CNTNAP5: variants seen among roughly 807,000 people sequenced by gnomAD.
CNTNAP5 encodes the protein contactin associated protein family member 5, also known as contactin-associated protein-like 5.
Under a neutral mutation model 150.2 loss-of-function variants are expected in CNTNAP5, and 72 were observed. The ratio of observed to expected loss-of-function variants is 0.48; its 90% CI spans 0.40 to 0.58. The LOEUF (loss-of-function observed/expected upper bound fraction) is 0.58, where lower values mean the gene tolerates loss of function less well. Ranked by LOEUF, CNTNAP5 falls within the 20% of genes least tolerant of loss-of-function variation. The pLI is 0.00. For missense variants in CNTNAP5, 1,636 were observed against 1,626.2 expected (o/e 1.01, Z -0.10); for synonymous variants, 672 against 619.8 (o/e 1.08, Z -1.25).
At chr2:124,183,456 T>G (rs1685255588) in intron 1 of CNTNAP5, among the ~76,000 whole-genome samples, 1 of 152,206 alleles carries the variant, frequency 6.6e-6, no homozygotes, top group Non-Finnish European at 1.5e-5. Flanking sequence ...GAGAATGAGA[T>G]GTATATTCAA....
At chr2:124,100,864 CAAAAAAAA>C (rs60441145) in intron 1 of CNTNAP5, among the ~76,000 whole-genome samples, 1 of 88,050 alleles carries the variant, frequency 1.1e-5, no homozygotes, top group Non-Finnish European at 2.3e-5. Flanking sequence ...GACTCTGTCT[CAAAAAAAA>C]AAAAAAAAAA....
chr2:124,504,994 C>G (rs1242591717), intron 8 of CNTNAP5, among the ~76,000 whole-genome samples: 1 of 152,140 alleles, frequency 6.6e-6, no homozygotes, highest in Non-Finnish European at 1.5e-5. Flanking sequence ...GCCTGAGCCA[C>G]TGTGCCTGGC....
intron 1 of CNTNAP5, among the ~76,000 whole-genome samples, chr2:124,062,673 T>A (rs577516246): frequency 6.6e-6 from 1 of 152,254 alleles, no homozygotes; most frequent in African/African-American, 2.4e-5. Context: ...ATAAGAAGTT[T>A]AAGGATAGAG....
chr2:124,247,660 C>A (rs913796276), intron 3 of CNTNAP5, among the ~76,000 whole-genome samples: 11 of 151,810 alleles, frequency 7.2e-5, no homozygotes, highest in African/African-American at 2.7e-4. Flanking sequence ...TAAGCAAAAT[C>A]TTAAAGGAAG....
At chr2:124,702,376 TTTTTTTTTTTTTTTTTTTTTG>T (rs1679541964) in intron 13 of CNTNAP5, among the ~76,000 whole-genome samples, 1 of 88,900 alleles carries the variant, frequency 1.1e-5, no homozygotes, top group African/African-American at 5.0e-5. Flanking sequence ...TTTTTTTTTT[TTTTTTTTTTTTTTTTTTTTTG>T]CTAGTGAAGA....
At chr2:124,606,972 A>G (rs571482928) in intron 11 of CNTNAP5, among the ~76,000 whole-genome samples, 85 of 152,270 alleles carry the variant, frequency 5.6e-4, no homozygotes, top group African/African-American at 2.0e-3. Flanking sequence ...CAACACTACT[A>G]CTATTAATAA....
chr2:124,031,140 T>TAC (rs35707474), intron 1 of CNTNAP5, among the ~76,000 whole-genome samples: 26,921 of 150,236 alleles, frequency 0.18, 2,420 homozygotes, highest in East Asian at 0.27. Context: ...CCGCTATACA[T>TAC]ACACACACAC....
chr2:124,508,846 TAATC>T (rs1420208877), intron 8 of CNTNAP5, among the ~76,000 whole-genome samples: 1 of 152,216 alleles, frequency 6.6e-6, no homozygotes, highest in Non-Finnish European at 1.5e-5. Flanking sequence ...AACTAACAAA[TAATC>T]AAACAAAAAC....
intron 13 of CNTNAP5, among the ~76,000 whole-genome samples, chr2:124,651,733 G>A (rs1211064254): frequency 1.3e-5 from 2 of 152,202 alleles, no homozygotes; most frequent in Non-Finnish European, 2.9e-5. Flanking sequence ...GAAAATGGAA[G>A]GAGAGAGAAG....
intron 12 of CNTNAP5, among the ~76,000 whole-genome samples, chr2:124,635,927 T>C (rs72974547): frequency 0.012 from 1,822 of 152,308 alleles, 30 homozygotes; most frequent in African/African-American, 0.041. Context: ...GAGAAGCAAG[T>C]AGGAGACATT....
chr2:124,833,848 A>G (rs536135898), intron 19 of CNTNAP5, among the ~76,000 whole-genome samples: 1 of 152,060 alleles, frequency 6.6e-6, no homozygotes, highest in African/African-American at 2.4e-5. Context: ...TAAGGAATAT[A>G]TTGACTCAGG....
chr2:124,337,535 T>G (rs1443139629), intron 3 of CNTNAP5, among the ~76,000 whole-genome samples: 1 of 152,170 alleles, frequency 6.6e-6, no homozygotes, highest in Non-Finnish European at 1.5e-5. Context: ...TAATCCATCT[T>G]GAATTAATTT....
At chr2:124,705,539 A>T (rs2105094862) in intron 13 of CNTNAP5, among the ~76,000 whole-genome samples, 1 of 152,128 alleles carries the variant, frequency 6.6e-6, no homozygotes, top group Non-Finnish European at 1.5e-5. Context: ...AAAAAATAAA[A>T]ATAATAAATA....
chr2:124,648,736 T>G (rs1404006860), intron 13 of CNTNAP5, among the ~76,000 whole-genome samples: 1 of 152,186 alleles, frequency 6.6e-6, no homozygotes, highest in Non-Finnish European at 1.5e-5. Flanking sequence ...TCATCAAAAT[T>G]TACATGTTTC....
chr2:124,234,801 C>T (rs1686708074), intron 2 of CNTNAP5, among the ~76,000 whole-genome samples: 1 of 152,284 alleles, frequency 6.6e-6, no homozygotes, highest in South Asian at 2.1e-4. Flanking sequence ...TGGAGGACAT[C>T]AGCAAAACTG....
At chr2:124,103,410 A>G (rs973863991) in intron 1 of CNTNAP5, among the ~76,000 whole-genome samples, 4 of 152,034 alleles carry the variant, frequency 2.6e-5, no homozygotes, top group Non-Finnish European at 5.9e-5. Flanking sequence ...GTGATGTCCT[A>G]GGCCTTCACA....
chr2:124,090,353 G>T (rs763906039), intron 1 of CNTNAP5, among the ~76,000 whole-genome samples: 4 of 152,132 alleles, frequency 2.6e-5, no homozygotes, highest in Non-Finnish European at 2.9e-5. Context: ...AATAAAACTT[G>T]CAAAGCACTT....
intron 1 of CNTNAP5, among the ~76,000 whole-genome samples, chr2:124,130,505 A>G (rs1380705529): frequency 6.6e-6 from 1 of 152,082 alleles, no homozygotes; most frequent in Non-Finnish European, 1.5e-5. Context: ...GAGAGTGGAA[A>G]AAAGAAAATG....
At chr2:124,864,012 C>G (rs1263349885) in intron 19 of CNTNAP5, among the ~76,000 whole-genome samples, 1 of 152,066 alleles carries the variant, frequency 6.6e-6, no homozygotes, top group Non-Finnish European at 1.5e-5. Context: ...TCCAGTGACT[C>G]CAGACCAGAT....
Sources: allele counts gnomAD v4.1 joint callset (sites outside exome capture counted in the v4.1 genomes callset), GRCh38; gene constraint gnomAD v4.1.1; transcripts MANE v1.5; gene names NCBI Gene and HGNC (gene_info 2026-07-23, HGNC 2026-07-21).